The following WFIKKN2 variants were observed in gnomAD, a reference collection of about 807,000 sequenced individuals.
The protein encoded by WFIKKN2 is WAP, follistatin/kazal, immunoglobulin, kunitz and netrin domain containing 2, also known as WAP, Kazal, immunoglobulin, Kunitz and NTR domain-containing protein 2.
WFIKKN2 carries 25 observed loss-of-function variants against 39.2 expected under a neutral mutation model. The observed-to-expected ratio is 0.64, with a 90% CI of 0.47 to 0.89. WFIKKN2 has a LOEUF of 0.89. WFIKKN2 is among the 40% of genes least tolerant of loss of function. The pLI is 0.00. For synonymous variants in WFIKKN2, 345 were observed against 329.7 expected, an observed-to-expected ratio of 1.05 and a Z score of -0.50; for missense variants, 770 against 811.7, an observed-to-expected ratio of 0.95 and a Z score of 0.62.
At chr17:50,836,838 G>A (rs776557020) in intron 1 of WFIKKN2, among the ~76,000 whole-genome samples, 9 of 152,236 alleles carry the variant, frequency 5.9e-5, no homozygotes, top group Non-Finnish European at 1.0e-4. Context: ...ATGAGCCTGT[G>A]AGTGATGGGG....
At chr17:50,839,359 T>G in intron 1 of WFIKKN2, 140 bp from the exon 2 acceptor site, 1 of 759,782 alleles carries the variant, frequency 1.3e-6, no homozygotes, top group Non-Finnish European at 2.1e-6. Flanking sequence ...ACGTATGCAT[T>G]CGTTATTATT....
intron 1 of WFIKKN2, among the ~76,000 whole-genome samples, chr17:50,836,901 G>T (rs910071554): frequency 6.6e-6 from 1 of 152,232 alleles, no homozygotes; most frequent in Non-Finnish European, 1.5e-5. Context: ...GTCCTAGGAA[G>T]GTGAAGGAAC....
rs1597981410 is a variant in WFIKKN2 at position 50,839,770 on chromosome 17, C to G, written c.482C>G (p.Ala161Gly). 1 of 1,614,248 alleles carries G rather than the reference C, an allele frequency of 6.2e-7. No homozygotes were observed. The highest frequency in any genetic ancestry group is 1.7e-5 in the Admixed American group (1 of 60,028). ...TACTATAACCGCTGCTACATGGATGCCGAGGCCTGCTCCAAAGGCATCACA... is the reference window on the plus strand; with the variant it reads ...TACTATAACCGCTGCTACATGGATGGCGAGGCCTGCTCCAAAGGCATCACA... Reference protein sequence around the residue: ...LTYYNRCYMDAEACSKGITLA... With the variant: ...LTYYNRCYMDGEACSKGITLA... Residue 161 changes from alanine to glycine, a missense_variant, in exon 2 of 2, where the codon GCC becomes GGC. Ala to Gly is a moderately conservative substitution (Grantham distance 60). Coordinates refer to ENST00000311378, the MANE Select transcript of WFIKKN2 (RefSeq NM_175575.6).
rs774329151 is a variant in WFIKKN2, at chr17:50,840,105, G to T, written c.817G>T (p.Val273Phe). The T allele has an allele frequency of 1.2e-6, 2 of 1,614,170 alleles. No homozygotes were observed. Among genetic ancestry groups the T allele is most frequent in the Admixed American group, 3.3e-5 (2 of 60,024 alleles). Residue 273 changes from valine (V) to phenylalanine (F), a missense_variant, in exon 2 of 2, where the codon GTC (valine) becomes TTC (phenylalanine). Val to Phe is a conservative substitution (Grantham distance 50). Transcript: ENST00000311378. ...GGTGGTCACCAACATTGCCCAGCTGGTCATCTATAACGCCCAGCTGCAGGA... is the reference window on the plus strand; with the variant it reads ...GGTGGTCACCAACATTGCCCAGCTGTTCATCTATAACGCCCAGCTGCAGGA... ...NVVVTNIAQL[V>F]IYNAQLQDAG...
rs529248966 is a variant in WFIKKN2, at chr17:50,840,074, C to T, written c.786C>T (p.Gly262=). Residue 262 remains glycine, a synonymous_variant, in exon 2 of 2, where the codon GGC becomes GGT. Transcript: ENST00000311378. ...TCATGCGGCCCAACCATGTGCGTGG[C>T]AACGTGGTGGTCACCAACATTGCCC... ...NVVMRPNHVR[G]NVVVTNIAQL... 23 of 1,614,254 alleles carry T rather than the reference C, an allele frequency of 1.4e-5. No homozygotes were observed. The highest frequency in any genetic ancestry group is 1.6e-4 in the Middle Eastern group (1 of 6,062).
At chr17:50,836,299 C>A in intron 1 of WFIKKN2, 152 bp downstream of exon 1, 1 of 944,726 alleles carries the variant, frequency 1.1e-6, no homozygotes, top group Non-Finnish European at 1.6e-6. Flanking sequence ...TGAGTGGTGT[C>A]CGGAAGCAGG....
In WFIKKN2 at chr17:50,839,883, TCCC is replaced by T. The variant is rs765924068; in HGVS notation, c.597_599del (p.Pro200del). ...GACCACCATGCACCCCACCACAGCCTCCCCAGAGACCCCTGAGCTGGACATGGC... is the reference window on the plus strand; with the variant it reads ...GACCACCATGCACCCCACCACAGCCTCAGAGACCCCTGAGCTGGACATGGC... On this transcript the variant is annotated inframe_deletion, in exon 2 of 2. Coordinates refer to ENST00000311378, the MANE Select transcript of WFIKKN2 (RefSeq NM_175575.6). 5.9e-5 allele frequency: 95 copies of T among 1,613,748 alleles called. No individual in the cohort carries two copies. In the African/African-American group the frequency reaches 1.2e-3, roughly 20 times the overall value.
At position 50,841,103 on chromosome 17, in the gene WFIKKN2, AT is replaced by A; in HGVS notation, c.*86del. On this transcript the variant is annotated 3_prime_UTR_variant, in exon 2 of 2. Coordinates refer to ENST00000311378, the MANE Select transcript of WFIKKN2 (RefSeq NM_175575.6). ...CTCTCAGCAAACTGGGCGAGGTCAG[AT>A]TAGACAGGCTTGGGACAGCAGGGAA... 7.3e-7 allele frequency: 1 copy of A among 1,375,398 alleles called. No individual in the cohort carries two copies. The highest frequency in any genetic ancestry group is 9.7e-7 in the Non-Finnish European group (1 of 1,028,370). 85.2% of individuals were successfully genotyped at this position (1,375,398 alleles called of 1,614,324 possible).
At position 50,839,963 on chromosome 17, in the gene WFIKKN2, G is replaced by A; in HGVS notation, c.675G>A (p.Glu225=). 2.5e-6 allele frequency: 4 copies of A among 1,614,144 alleles called. No homozygotes were observed. The highest frequency in any genetic ancestry group is 3.4e-6 in the Non-Finnish European group (4 of 1,179,982). ...NPVHQSVTMG[E]TVSFLCDVVG... is the part of the protein sequence containing the mutation. ...TGCACCAGTCGGTCACCATGGGTGAGACAGTGAGCTTCCTCTGTGATGTGG... is the reference window on the plus strand; with the variant it reads ...TGCACCAGTCGGTCACCATGGGTGAAACAGTGAGCTTCCTCTGTGATGTGG... The change falls in exon 2 of 2, where the codon GAG becomes GAA. Residue 225 remains glutamate, a synonymous_variant. Coordinates refer to ENST00000311378, the MANE Select transcript of WFIKKN2 (RefSeq NM_175575.6).
chr17:50,839,635 G>A lies in WFIKKN2; in HGVS notation c.347G>A (p.Cys116Tyr). The change falls in exon 2 of 2, where the codon TGT becomes TAT. Residue 116 changes from cysteine (C) to tyrosine (Y), a missense_variant. Cys to Tyr is a radical substitution (Grantham distance 194). Transcript: ENST00000311378. ...PKEATCDHFMCLQQGSECDIW... is the reference protein window; with the variant it reads ...PKEATCDHFMYLQQGSECDIW... ...GAGGCCACATGTGACCACTTCATGTGTCTGCAGCAGGGCTCTGAGTGTGAC... is the reference window on the plus strand; with the variant it reads ...GAGGCCACATGTGACCACTTCATGTATCTGCAGCAGGGCTCTGAGTGTGAC... The A allele has an allele frequency of 6.2e-7, 1 of 1,614,220 alleles. No individual in the cohort carries two copies. The highest frequency in any genetic ancestry group is 8.5e-7 in the Non-Finnish European group (1 of 1,180,042).
chr17:50,836,217 G>A, intron 1 of WFIKKN2, 70 bp downstream of exon 1: 2 of 1,548,450 alleles, frequency 1.3e-6, no homozygotes, highest in Non-Finnish European at 1.8e-6. Context: ...AGCCGTCGGG[G>A]AGGGACTGTG....
chr17:50,836,140 C>A lies in WFIKKN2; in HGVS notation c.203C>A (p.Thr68Lys), dbSNP rs558234463. The stretch of plus-strand genomic sequence containing the variant: ...AGCACCTGCAGGCGGGAGTGTGAGA[C>A]GGACCAGGTGAGTGGGGTCCAGAGA... ...AQSTCRRECETDQECETYEKC... is the reference protein window; with the variant it reads ...AQSTCRRECEKDQECETYEKC... The change falls in exon 1 of 2, where the codon ACG (threonine) becomes AAG (lysine). Residue 68 changes from threonine (T) to lysine (K), a missense_variant. Physicochemically the swap from Thr to Lys is moderately conservative, Grantham distance 78. Transcript: ENST00000311378. 5.1e-5 allele frequency: 83 copies of A among 1,612,848 alleles called. No homozygotes were observed. The highest frequency in any genetic ancestry group is 6.4e-5 in the Non-Finnish European group (75 of 1,179,604).
chr17:50,835,971 C>G lies in WFIKKN2; in HGVS notation c.34C>G (p.Arg12Gly). ...CCCAAGGTGTCGCCGGTTCTGGTCTCGCTGGGAGCAGGTGGCAGCGCTGCT... is the reference window on the plus strand; with the variant it reads ...CCCAAGGTGTCGCCGGTTCTGGTCTGGCTGGGAGCAGGTGGCAGCGCTGCT... ...WAPRCRRFWS[R>G]WEQVAALLLL... Residue 12 changes from arginine (R) to glycine (G), a missense_variant, in exon 1 of 2, where the codon CGC (arginine) becomes GGC (glycine). Coordinates refer to ENST00000311378, the MANE Select transcript of WFIKKN2 (RefSeq NM_175575.6). 7 of 1,610,098 alleles carry G rather than the reference C, an allele frequency of 4.3e-6. No homozygotes were observed. Among genetic ancestry groups the G allele is most frequent in the Non-Finnish European group, 5.9e-6 (7 of 1,178,626 alleles).
rs531389719 is a variant in WFIKKN2 at position 50,839,552 on chromosome 17, C to T, written c.264C>T (p.Cys88=). The change falls in exon 2 of 2, where the codon TGC becomes TGT. Residue 88 remains cysteine, a synonymous_variant. Coordinates refer to ENST00000311378, the MANE Select transcript of WFIKKN2 (RefSeq NM_175575.6). ...CCPNVCGTKS[C]VAARYMDVKG... ...CCAACGTATGTGGGACCAAGAGCTG[C>T]GTGGCGGCCCGCTACATGGACGTGA... 27 of 1,614,120 alleles carry T rather than the reference C, an allele frequency of 1.7e-5. No homozygotes were observed. In the East Asian group the frequency reaches 2.2e-4, roughly 13 times the overall value.
chr17:50,839,995 G>A lies in WFIKKN2; in HGVS notation c.707G>A (p.Arg236Gln), dbSNP rs564698752. 3.1e-5 allele frequency: 50 copies of A among 1,614,206 alleles called. No homozygotes were observed. The South Asian group carries it at 3.2e-4, about 10-fold the overall frequency. ...AGCTTCCTCTGTGATGTGGTGGGCC[G>A]GCCCCGGCCTGAGATCACCTGGGAG... ...TVSFLCDVVG[R>Q]PRPEITWEKQ... The change falls in exon 2 of 2, where the codon CGG (arginine) becomes CAG (glutamine). Residue 236 changes from arginine to glutamine, a missense_variant. Arg to Gln is a conservative substitution (Grantham distance 43). Transcript: ENST00000311378.
rs113157338 is a variant in WFIKKN2, at chr17:50,836,197, C to T, written c.210+50C>T. 9.1e-5 allele frequency: 145 copies of T among 1,589,274 alleles called. 4 individuals are homozygous for T. In the African/African-American group the frequency reaches 9.3e-4, roughly 10 times the overall value. On this transcript the variant is annotated intron_variant, in intron 1 of 1. Coordinates refer to ENST00000311378, the MANE Select transcript of WFIKKN2 (RefSeq NM_175575.6). ...ATGGACCACGTGAGCCTGTGAGTGA[C>T]GGGGGTGGGAGCCGTCGGGGAGGGA...
rs141860715 is a variant in WFIKKN2, at chr17:50,840,259, C to G, written c.971C>G (p.Pro324Arg). 1.1e-4 allele frequency: 175 copies of G among 1,613,950 alleles called. 2 individuals are homozygous for G. In the South Asian group the frequency reaches 1.8e-3, roughly 17 times the overall value. Residue 324 changes from proline (P) to arginine (R), a missense_variant, in exon 2 of 2, where the codon CCG (proline) becomes CGG (arginine). Pro to Arg is a moderately radical substitution (Grantham distance 103). Coordinates refer to ENST00000311378, the MANE Select transcript of WFIKKN2 (RefSeq NM_175575.6). Reference protein sequence around the residue: ...SESSPNGTAFPAAECLKPPDS... With the variant: ...SESSPNGTAFRAAECLKPPDS... ...AGCAGCCCCAATGGCACGGCTTTCC[C>G]GGCGGCCGAGTGCCTGAAGCCCCCA... is the stretch of plus-strand genomic sequence containing the variant.
intron 1 of WFIKKN2, among the ~76,000 whole-genome samples, chr17:50,837,974 C>T (rs913757025): frequency 6.6e-6 from 1 of 152,080 alleles, no homozygotes; most frequent in Non-Finnish European, 1.5e-5. Flanking sequence ...ACATTCTGGC[C>T]CCCTTACACA....
chr17:50,841,060 AC>A lies in WFIKKN2; in HGVS notation c.*43del. On this transcript the variant is annotated 3_prime_UTR_variant, in exon 2 of 2. Transcript: ENST00000311378. The stretch of plus-strand genomic sequence containing the variant: ...CCTGCCCCCTCCCTGGCCTTCTTCC[AC>A]CTATCCACCCCAATGCCTCTCAGCA... 7.1e-7 allele frequency: 1 copy of A among 1,410,850 alleles called. No individual in the cohort carries two copies. Among genetic ancestry groups the A allele is most frequent in the East Asian group, 2.5e-5 (1 of 40,456 alleles). 87.4% of individuals were successfully genotyped at this position (1,410,850 alleles called of 1,614,324 possible).
Sources: gnomAD v4.1 joint callset for allele counts (sites outside exome capture counted in the v4.1 genomes callset) on GRCh38, gnomAD v4.1.1 for gene constraint, MANE v1.5 for transcripts, NCBI Gene and HGNC (gene_info 2026-07-23, HGNC 2026-07-21) for gene names.